The following DNAH7 variants were observed in gnomAD, a reference collection of about 807,000 sequenced individuals.
DNAH7 encodes axonemal beta dynein heavy chain 7.
In DNAH7, 397 loss-of-function variants were observed where a neutral mutation model predicts 444.6. That is an observed-to-expected ratio of 0.89 (90% CI 0.82 to 0.97). The LOEUF is 0.97. Ranked by LOEUF, DNAH7 falls within the 50% of genes least tolerant of loss-of-function variation. The probability of loss-of-function intolerance (pLI) is 0.00; values close to 1 mark genes in which losing one functional copy is unlikely to be tolerated. For synonymous variants in DNAH7, 1,636 were observed against 1,624.4 expected (o/e 1.01, Z -0.17); for missense variants, 4,902 against 4,800.8 (o/e 1.02, Z -0.62).
chr2:196,010,151 CTTT>C (rs369388805), intron 10 of DNAH7, among the ~76,000 whole-genome samples: 5 of 145,130 alleles, frequency 3.4e-5, no homozygotes, highest in Non-Finnish European at 6.1e-5. Flanking sequence ...CTTTCTCTCT[CTTT>C]TTTTTTTTTT....
Position 196,050,925 on chromosome 2 carries a change from C to T in DNAH7, c.141+262G>A, listed in dbSNP as rs562142967. ...TACCCCAAGCCCTTTTTTATTTACTCCAACGCTAATACTCCTTTTGCTAAC... is the reference window on the plus strand; with the variant it reads ...TACCCCAAGCCCTTTTTTATTTACTTCAACGCTAATACTCCTTTTGCTAAC... On this transcript the variant is annotated intron_variant, in intron 3 of 64. Coordinates refer to ENST00000312428, the MANE Select transcript of DNAH7 (RefSeq NM_018897.3). 5.9e-5 allele frequency among the ~76,000 whole-genome samples: 9 copies of T among 152,300 alleles called. No homozygotes were observed. In the East Asian group the frequency reaches 9.6e-4, roughly 16 times the overall value.
intron 19 of DNAH7, among the ~76,000 whole-genome samples, chr2:195,947,314 T>G (rs2125460545): frequency 6.6e-6 from 1 of 152,138 alleles, no homozygotes; most frequent in East Asian, 1.9e-4. Flanking sequence ...ATGATTATAC[T>G]TTAAGTTCTG....
intron 51 of DNAH7, among the ~76,000 whole-genome samples, chr2:195,814,471 A>T (rs1574483428): frequency 6.6e-6 from 1 of 152,332 alleles, no homozygotes; most frequent in East Asian, 1.9e-4. Flanking sequence ...TTGATATAAT[A>T]GGAGACAATA....
chr2:195,908,786 T>G (rs997010464), intron 25 of DNAH7, among the ~76,000 whole-genome samples: 23 of 152,160 alleles, frequency 1.5e-4, no homozygotes, highest in African/African-American at 5.6e-4. Flanking sequence ...AATTGGTCAT[T>G]TAAATGTTTT....
At chr2:195,894,002 T>C (rs1254369650) in intron 30 of DNAH7, 1 of 149,954 alleles carries the variant, frequency 6.7e-6, no homozygotes, top group African/African-American at 2.5e-5. Flanking sequence ...CAGAAGACAA[T>C]TAAGAAGTGA....
At chr2:195,874,526 C>T (rs1700910972) in intron 38 of DNAH7, among the ~76,000 whole-genome samples, 1 of 151,858 alleles carries the variant, frequency 6.6e-6, no homozygotes, top group Non-Finnish European at 1.5e-5. Flanking sequence ...AGTATAAATG[C>T]CTGGCTTGGG....
At chr2:195,972,506 C>T (rs1449369890) in intron 15 of DNAH7, 40 bp from the exon 16 acceptor site, 1 of 1,458,188 alleles carries the variant, frequency 6.9e-7, no homozygotes, top group Admixed American at 1.7e-5. Flanking sequence ...TTTTAACGAA[C>T]AGCTCATGTC....
At chr2:195,900,551 G>C (rs1686640686) in intron 27 of DNAH7, 57 bp from the exon 28 acceptor site, 2 of 1,519,270 alleles carry the variant, frequency 1.3e-6, no homozygotes, top group South Asian at 2.3e-5. Context: ...AGCTAGGCAT[G>C]GAAAGATAAA....
chr2:195,912,578 C>T lies in DNAH7; in HGVS notation c.3936-2383G>A, dbSNP rs560103768. Among the ~76,000 whole-genome samples the T allele has an allele frequency of 3.3e-5, 5 of 152,272 alleles. No homozygotes were observed. In the East Asian group the frequency reaches 9.6e-4, roughly 29 times the overall value. ...CAGAGGCTGAAGCAAAAGCCACCTG[C>T]GGCCAGCCCGAGAAGGCATTTTCCA... On this transcript the variant is annotated intron_variant, in intron 24 of 64. Transcript: ENST00000312428.
At position 196,000,685 on chromosome 2, in the gene DNAH7, T is replaced by C. The variant is rs752257046; in HGVS notation, c.1353+19A>G. Reference sequence around the variant, plus strand: ...GTCATTATGCAAATTCAAGCAATCTTAATATCCTTGTTACTTACCCACTTG... The same window carrying C: ...GTCATTATGCAAATTCAAGCAATCTCAATATCCTTGTTACTTACCCACTTG... On this transcript the variant is annotated intron_variant, in intron 12 of 64. Coordinates refer to ENST00000312428, the MANE Select transcript of DNAH7 (RefSeq NM_018897.3). 1.3e-6 allele frequency: 2 copies of C among 1,501,010 alleles called. No homozygotes were observed. Among genetic ancestry groups the C allele is most frequent in the East Asian group, 2.4e-5 (1 of 42,138 alleles). 93.0% of individuals were successfully genotyped at this position (1,501,010 alleles called of 1,614,324 possible).
intron 15 of DNAH7, among the ~76,000 whole-genome samples, chr2:195,981,234 C>T (rs1440860210): frequency 6.6e-6 from 1 of 151,898 alleles, no homozygotes; most frequent in Non-Finnish European, 1.5e-5. Context: ...AGAAAGTAAT[C>T]TCATTTACAA....
At chr2:195,754,535 G>C in intron 62 of DNAH7, 21 bp from the exon 63 acceptor site, 1 of 1,608,256 alleles carries the variant, frequency 6.2e-7, no homozygotes, top group Non-Finnish European at 8.5e-7. Flanking sequence ...AAACACAAGT[G>C]GGCTAACAGT....
intron 54 of DNAH7, among the ~76,000 whole-genome samples, chr2:195,802,143 C>G (rs571645418): frequency 1.3e-5 from 2 of 152,144 alleles, no homozygotes; most frequent in Non-Finnish European, 2.9e-5. Context: ...ATAATTAATT[C>G]ACCTACACAT....
chr2:196,057,529 G>A (rs894767280), intron 2 of DNAH7, among the ~76,000 whole-genome samples: 13 of 152,032 alleles, frequency 8.6e-5, no homozygotes, highest in African/African-American at 2.9e-4. Context: ...GGTAATCTTG[G>A]TATTATTAAT....
intron 2 of DNAH7, among the ~76,000 whole-genome samples, chr2:196,056,214 G>T (rs570346735): frequency 6.6e-6 from 1 of 152,198 alleles, no homozygotes; most frequent in Admixed American, 6.5e-5. Context: ...GGAGGCCGAG[G>T]CGGGCGGATT....
intron 15 of DNAH7, among the ~76,000 whole-genome samples, chr2:195,975,673 G>A (rs1692142886): frequency 1.3e-5 from 2 of 152,178 alleles, no homozygotes; most frequent in African/African-American, 4.8e-5. Context: ...TCCACTTGAG[G>A]AGAGGAAGAG....
chr2:195,845,049 A>G lies in DNAH7; in HGVS notation c.8898T>C (p.Ala2966=). Residue 2966 remains alanine, a synonymous_variant, in exon 47 of 65, where the codon GCT becomes GCC. Transcript: ENST00000312428. The stretch of plus-strand genomic sequence containing the variant: ...TGGAAAATGAGTCAGAAGGTAATCC[A>G]GCAATATTCCAAGTTCGAATTGTCA... The part of the protein sequence containing the change: ...EAVTIRTWNI[A]GLPSDSFSID... 6.2e-7 allele frequency: 1 copy of G among 1,613,958 alleles called. No homozygotes were observed. Among genetic ancestry groups the G allele is most frequent in the African/African-American group, 1.3e-5 (1 of 75,042 alleles).
At chr2:196,005,392 TAGAAAAATAA>T (rs1377316369) in intron 10 of DNAH7, among the ~76,000 whole-genome samples, 3 of 151,464 alleles carry the variant, frequency 2.0e-5, no homozygotes, top group Admixed American at 6.6e-5. Flanking sequence ...AAATATTGAA[TAGAAAAATAA>T]AGAAAAATCA....
In DNAH7 at chr2:195,881,795, C is replaced by T. The variant is rs1303968535; in HGVS notation, c.5961G>A (p.Thr1987=). The change falls in exon 36 of 65, where the codon ACG becomes ACA. Residue 1987 remains threonine (T), a splice_region_variant and synonymous_variant. Transcript: ENST00000312428. Reference sequence around the variant, plus strand: ...ATACGCAGATTTCTGCAGTACTTACCGTAATGTAAACACTTTTCCCAGTTC... The same window carrying T: ...ATACGCAGATTTCTGCAGTACTTACTGTAATGTAAACACTTTTCCCAGTTC... ...PTGTGKSVYI[T]NFLLNQLNKE... The T allele has an allele frequency of 1.5e-5, 24 of 1,612,950 alleles. No homozygotes were observed. The highest frequency in any genetic ancestry group is 1.6e-4 in the Middle Eastern group (1 of 6,082).
Sources: gnomAD v4.1 joint callset for allele counts (sites outside exome capture counted in the v4.1 genomes callset) on GRCh38, gnomAD v4.1.1 for gene constraint, MANE v1.5 for transcripts, NCBI Gene and HGNC (gene_info 2026-07-23, HGNC 2026-07-21) for gene names.